Variants in MAPK10 observed in about 807,000 individuals in gnomAD.
MAPK10 encodes the protein JNK3 alpha protein kinase.
MAPK10 carries 25 observed loss-of-function variants against 59.3 expected under a neutral mutation model. The ratio of observed to expected loss-of-function variants is 0.42; its 90% confidence interval spans 0.31 to 0.59. The LOEUF (loss-of-function observed/expected upper bound fraction) is 0.59. Among genes scored for constraint, MAPK10 ranks in the 20% least tolerant of loss-of-function variants. MAPK10 has a pLI of 0.15. For missense variants in MAPK10, 351 were observed against 568.9 expected, an observed-to-expected ratio of 0.62 and a Z score of 3.90; for synonymous variants, 190 against 200.5, an observed-to-expected ratio of 0.95 and a Z score of 0.44.
intron 9 of MAPK10, among the ~76,000 whole-genome samples, chr4:86,073,482 T>C (rs1342750291): frequency 1.4e-4 from 19 of 138,100 alleles, no homozygotes; most frequent in African/African-American, 4.7e-4. Context: ...TTAATTGTGA[T>C]GTTAGGGTGT....
At chr4:86,486,768 T>C (rs748483069) in intron 1 of MAPK10, among the ~76,000 whole-genome samples, 2 of 152,164 alleles carry the variant, frequency 1.3e-5, no homozygotes, top group African/African-American at 4.8e-5. Flanking sequence ...TCCCCACAGA[T>C]TGTTTAGTGG....
At chr4:86,029,529 A>G (rs980607751) in intron 12 of MAPK10, among the ~76,000 whole-genome samples, 2 of 152,306 alleles carry the variant, frequency 1.3e-5, no homozygotes, top group Middle Eastern at 3.4e-3. Flanking sequence ...GAAACATACT[A>G]TTTATTTCCA....
At chr4:86,475,680 G>T (rs1579338083) in intron 1 of MAPK10, among the ~76,000 whole-genome samples, 1 of 152,032 alleles carries the variant, frequency 6.6e-6, no homozygotes, top group East Asian at 1.9e-4. Flanking sequence ...ACCCTTAACG[G>T]CAAGTACTGC....
At chr4:86,075,039 C>T (rs1222262448) in intron 9 of MAPK10, among the ~76,000 whole-genome samples, 1 of 147,678 alleles carries the variant, frequency 6.8e-6, no homozygotes, top group African/African-American at 2.6e-5. Flanking sequence ...ACCAATCAGA[C>T]CTAGATTTGG....
At chr4:86,333,342 A>G (rs1244558302) in intron 2 of MAPK10, among the ~76,000 whole-genome samples, 1 of 152,054 alleles carries the variant, frequency 6.6e-6, no homozygotes, top group East Asian at 1.9e-4. Context: ...AATCCTTTCC[A>G]TGCCTTTTTT....
chr4:86,317,126 C>T (rs571164225), intron 2 of MAPK10, among the ~76,000 whole-genome samples: 2 of 152,228 alleles, frequency 1.3e-5, no homozygotes, highest in East Asian at 1.9e-4. Context: ...CCACCACTGC[C>T]ACCCAGTATG....
chr4:86,072,108 A>T (rs1184056287), intron 9 of MAPK10, among the ~76,000 whole-genome samples: 1 of 150,162 alleles, frequency 6.7e-6, no homozygotes, highest in Non-Finnish European at 1.5e-5. Context: ...GGTCCTTCAC[A>T]TCCCTTGTAA....
chr4:86,406,419 T>G (rs531714670), intron 1 of MAPK10, among the ~76,000 whole-genome samples: 89 of 152,320 alleles, frequency 5.8e-4, no homozygotes, highest in Non-Finnish European at 1.0e-3. Context: ...TTATGTTAAA[T>G]ACTCTGTACA....
At chr4:86,356,682 G>C (rs1241889116) in intron 1 of MAPK10, 1 of 152,238 alleles carries the variant, frequency 6.6e-6, no homozygotes, top group Non-Finnish European at 1.5e-5. Context: ...CTGAAAAGAT[G>C]GGCTCCAATT....
At chr4:86,416,919 T>C (rs1216326248) in intron 1 of MAPK10, among the ~76,000 whole-genome samples, 1 of 152,192 alleles carries the variant, frequency 6.6e-6, no homozygotes, top group Non-Finnish European at 1.5e-5. Context: ...CTTAAGAACC[T>C]GCTGCTGGAA....
At chr4:86,065,610 C>G (rs2046588673) in intron 10 of MAPK10, 1 of 152,162 alleles carries the variant, frequency 6.6e-6, no homozygotes, top group Non-Finnish European at 1.5e-5. Flanking sequence ...TAGGTATACA[C>G]ATGCCATAGT....
intron 1 of MAPK10, among the ~76,000 whole-genome samples, chr4:86,545,643 G>C (rs1759090581): frequency 6.6e-6 from 1 of 152,152 alleles, no homozygotes; most frequent in Admixed American, 6.5e-5. Context: ...CGGGGAGAGG[G>C]GCTGAGAGAA....
intron 1 of MAPK10, among the ~76,000 whole-genome samples, chr4:86,575,274 G>A (rs1761799507): frequency 6.6e-6 from 1 of 152,142 alleles, no homozygotes; most frequent in African/African-American, 2.4e-5. Flanking sequence ...ATGGCAGGTT[G>A]TGGGTCTTTT....
chr4:86,514,790 T>C (rs772686526), intron 1 of MAPK10, among the ~76,000 whole-genome samples: 1 of 152,226 alleles, frequency 6.6e-6, no homozygotes, highest in Non-Finnish European at 1.5e-5. Flanking sequence ...GTATTATTTG[T>C]GTAATTCATA....
At chr4:86,157,575 G>T (rs1375973969) in intron 4 of MAPK10, among the ~76,000 whole-genome samples, 3 of 151,922 alleles carry the variant, frequency 2.0e-5, no homozygotes, top group African/African-American at 7.2e-5. Flanking sequence ...GAAAAGGTCT[G>T]TGGATTTCAG....
At chr4:86,111,673 T>A (rs554971251) in intron 4 of MAPK10, among the ~76,000 whole-genome samples, 1 of 152,188 alleles carries the variant, frequency 6.6e-6, no homozygotes, top group Non-Finnish European at 1.5e-5. Flanking sequence ...ATCAGGGATA[T>A]TGGCCTGAAG....
chr4:86,155,488 C>T (rs2067497597), intron 4 of MAPK10, among the ~76,000 whole-genome samples: 1 of 151,784 alleles, frequency 6.6e-6, no homozygotes, highest in African/African-American at 2.4e-5. Flanking sequence ...ATATTCATTA[C>T]AGTAGTACCC....
intron 11 of MAPK10, chr4:86,044,504 T>C (rs13148731): frequency 5.3e-6 from 2 of 374,054 alleles, no homozygotes; most frequent in African/African-American, 4.2e-5. Context: ...GTTTCATTTG[T>C]ATAGACGCAA....
upstream of MAPK10, among the ~76,000 whole-genome samples, chr4:86,364,116 TTGTTGTTGA>T (rs1737442731): frequency 6.7e-6 from 1 of 149,466 alleles, no homozygotes; most frequent in Admixed American, 6.7e-5. Flanking sequence ...GTTGTTGTTG[TTGTTGTTGA>T]TTTGTTTTGT....
Sources: allele counts gnomAD v4.1 joint callset (sites outside exome capture counted in the v4.1 genomes callset), GRCh38; gene constraint gnomAD v4.1.1; transcripts MANE v1.5; gene names NCBI Gene and HGNC (gene_info 2026-07-23, HGNC 2026-07-21).